Variants in IL1RAPL1 observed in about 807,000 individuals in gnomAD.
IL1RAPL1 encodes the protein interleukin 1 receptor accessory protein like 1.
IL1RAPL1 carries 3 observed loss-of-function variants against 48.4 expected under a neutral mutation model. The observed-to-expected ratio is 0.06, with a 90% CI of 0.03 to 0.16. The LOEUF (loss-of-function observed/expected upper bound fraction) is 0.16, where lower values mean the gene tolerates loss of function less well. IL1RAPL1 is among the 10% of genes least tolerant of loss of function. The pLI is 1.00. For synonymous variants in IL1RAPL1, 185 were observed against 187.7 expected (o/e 0.99, Z 0.12); for missense variants, 349 against 530.6 (o/e 0.66, Z 3.36).
intron 5 of IL1RAPL1, among the ~76,000 whole-genome samples, chrX:29,446,526 A>G (rs1489659506): frequency 1.8e-5 from 2 of 111,597 alleles, no homozygotes; most frequent in Non-Finnish European, 3.8e-5. Context: ...TGGTTCTGCT[A>G]TTTCCTAAGG....
intron 2 of IL1RAPL1, among the ~76,000 whole-genome samples, chrX:29,037,686 A>G (rs1201279342): frequency 9.0e-6 from 1 of 111,585 alleles, no homozygotes; most frequent in East Asian, 2.8e-4. Flanking sequence ...AATGAACTTT[A>G]AGGGTTTTAC....
At chrX:29,654,561 G>A (rs1925614781) in intron 5 of IL1RAPL1, among the ~76,000 whole-genome samples, 2 of 111,663 alleles carry the variant, frequency 1.8e-5, no homozygotes, top group South Asian at 3.7e-4. Context: ...AGTAGATGTC[G>A]TGAGACTTAT....
intron 5 of IL1RAPL1, among the ~76,000 whole-genome samples, chrX:29,416,686 A>G (rs1261356045): frequency 8.9e-6 from 1 of 112,237 alleles, no homozygotes; most frequent in African/African-American, 3.2e-5. Flanking sequence ...GAGGATTTAC[A>G]AATTGTTTTT....
rs60539139 is a variant in IL1RAPL1, at chrX:29,230,504, C to CAAAAAAAAAAAAAAAAAAAAAAA, written c.83-52425_83-52403dup. On this transcript the variant is annotated intron_variant, in intron 2 of 10. Coordinates refer to ENST00000378993, the MANE Select transcript of IL1RAPL1 (RefSeq NM_014271.4). ...TGCTCTATCATTATGGTCCCTTTACCAAAAAAAAAAAAAAAAAAAAAAAAA... is the reference window on the plus strand; with the variant it reads ...TGCTCTATCATTATGGTCCCTTTACCAAAAAAAAAAAAAAAAAAAAAAAAAAAAAAAAAAAAAAAAAAAAAAAA... Among the ~76,000 whole-genome samples the CAAAAAAAAAAAAAAAAAAAAAAA allele has an allele frequency of 1.2e-4, 2 of 16,593 alleles. 1 individual carries two copies. The highest frequency in any genetic ancestry group is 1.9e-4 in the Non-Finnish European group (2 of 10,694). 14.4% of individuals were successfully genotyped at this position (16,593 alleles called of 115,157 possible).
intron 2 of IL1RAPL1, among the ~76,000 whole-genome samples, chrX:28,806,194 G>A (rs960587707): frequency 1.5e-4 from 17 of 111,801 alleles, no homozygotes; most frequent in African/African-American, 5.2e-4. Flanking sequence ...TGAAAAGGAG[G>A]AATTAAAGCT....
chrX:29,015,116 T>A (rs1926210684), intron 2 of IL1RAPL1, among the ~76,000 whole-genome samples: 1 of 111,175 alleles, frequency 9.0e-6, no homozygotes, highest in Non-Finnish European at 1.9e-5. Flanking sequence ...TCACAATGAT[T>A]TGTGAGTTCT....
At chrX:29,241,261 T>C (rs1383407452) in intron 2 of IL1RAPL1, among the ~76,000 whole-genome samples, 1 of 111,838 alleles carries the variant, frequency 8.9e-6, no homozygotes, top group Admixed American at 9.5e-5. Context: ...CTGAACTGAG[T>C]AAGCAGTTCT....
chrX:29,737,531 G>A (rs777619464), intron 6 of IL1RAPL1, among the ~76,000 whole-genome samples: 20 of 111,705 alleles, frequency 1.8e-4, no homozygotes, highest in African/African-American at 6.5e-4. Context: ...TAGGGTCCAT[G>A]ACATATTAGA....
At chrX:28,711,472 GAT>G (rs1935439510) in intron 1 of IL1RAPL1, among the ~76,000 whole-genome samples, 1 of 110,328 alleles carries the variant, frequency 9.1e-6, no homozygotes, top group African/African-American at 3.3e-5. Flanking sequence ...CTAGACTAAA[GAT>G]ACAAATTTGA....
chrX:29,717,908 C>T (rs1042530518), intron 6 of IL1RAPL1, among the ~76,000 whole-genome samples: 10 of 112,140 alleles, frequency 8.9e-5, no homozygotes, highest in African/African-American at 9.7e-5. Flanking sequence ...GATTCTGATT[C>T]GGTGAATCTG....
chrX:29,803,012 T>TAC (rs200192624), intron 6 of IL1RAPL1, among the ~76,000 whole-genome samples: 5,326 of 38,821 alleles, frequency 0.14, 968 homozygotes, highest in East Asian at 0.21. Flanking sequence ...CATATATACA[T>TAC]ATGTGTACAT....
intron 1 of IL1RAPL1, among the ~76,000 whole-genome samples, chrX:28,661,951 A>T (rs1218061611): frequency 8.9e-6 from 1 of 111,813 alleles, no homozygotes; most frequent in African/African-American, 3.3e-5. Context: ...AGGGATAGTA[A>T]AAGACTTCTA....
intron 2 of IL1RAPL1, among the ~76,000 whole-genome samples, chrX:29,088,672 CAAAAAAA>C (rs1182451817): frequency 1.0e-3 from 33 of 32,878 alleles, no homozygotes; most frequent in Non-Finnish European, 1.7e-3. Context: ...CACTCCTTCT[CAAAAAAA>C]AAAAAAAAAA....
chrX:29,821,912 A>G (rs748286559), intron 6 of IL1RAPL1, among the ~76,000 whole-genome samples: 8 of 112,062 alleles, frequency 7.1e-5, no homozygotes, highest in Non-Finnish European at 5.6e-5. Context: ...GTTGACACAG[A>G]TCTGAAGTAT....
rs1197533864 is a variant in IL1RAPL1 at position 29,738,983 on chromosome X, A to T, written c.778+70479A>T. Among the ~76,000 whole-genome samples the T allele has an allele frequency of 4.4e-5, 5 of 112,538 alleles. No individual in the cohort carries two copies. In the Admixed American group the frequency reaches 4.7e-4, roughly 11 times the overall value. ...CACAGAGCAAAGTTTTTGGTCAGAC[A>T]ATCTAATGGGACTAATAACAGCCGA... is the stretch of plus-strand genomic sequence containing the variant. On this transcript the variant is annotated intron_variant, in intron 6 of 10. Coordinates refer to ENST00000378993, the MANE Select transcript of IL1RAPL1 (RefSeq NM_014271.4).
chrX:29,368,640 G>A (rs1208452956), intron 3 of IL1RAPL1, among the ~76,000 whole-genome samples: 1 of 102,271 alleles, frequency 9.8e-6, no homozygotes, highest in Non-Finnish European at 2.0e-5. Flanking sequence ...GGTTGCCCAG[G>A]CTGGTTTTGA....
chrX:28,718,758 G>A (rs185503127), intron 1 of IL1RAPL1, among the ~76,000 whole-genome samples: 100 of 111,612 alleles, frequency 9.0e-4, no homozygotes, highest in Non-Finnish European at 1.5e-3. Context: ...ATCTTTTCTG[G>A]TTGACTGGCT....
At chrX:28,785,603 G>A (rs1042960862) in intron 1 of IL1RAPL1, among the ~76,000 whole-genome samples, 2 of 111,438 alleles carry the variant, frequency 1.8e-5, no homozygotes, top group Non-Finnish European at 3.8e-5. Flanking sequence ...TAAGCCCCAG[G>A]GTGGATAATG....
chrX:29,224,580 G>A (rs1398525828), intron 2 of IL1RAPL1, among the ~76,000 whole-genome samples: 2 of 111,188 alleles, frequency 1.8e-5, no homozygotes, highest in East Asian at 5.6e-4. Context: ...CATCATCTCA[G>A]GCAACAGCAT....
Sources: gnomAD v4.1 joint callset for allele counts (sites outside exome capture counted in the v4.1 genomes callset) on GRCh38, gnomAD v4.1.1 for gene constraint, MANE v1.5 for transcripts, NCBI Gene and HGNC (gene_info 2026-07-23, HGNC 2026-07-21) for gene names.